ZNF407: variants seen among roughly 807,000 people sequenced by gnomAD.
ZNF407 encodes the protein zinc finger protein 407.
In ZNF407, 17 loss-of-function variants were observed where a neutral mutation model predicts 131.2. The observed-to-expected ratio is 0.13, with a 90% CI of 0.09 to 0.19. The LOEUF is 0.19. ZNF407 is among the 10% of genes least tolerant of loss of function. The pLI is 1.00. For missense variants in ZNF407, 2,681 were observed against 2,830.6 expected, an observed-to-expected ratio of 0.95 and a Z score of 1.20; for synonymous variants, 1,156 against 1,062.0, an observed-to-expected ratio of 1.09 and a Z score of -1.72.
At chr18:74,777,953 A>G (rs1337614388) in intron 3 of ZNF407, among the ~76,000 whole-genome samples, 1 of 152,134 alleles carries the variant, frequency 6.6e-6, no homozygotes, top group African/African-American at 2.4e-5. Context: ...CCAGTGGCGC[A>G]TGGCTTCAGT....
intron 4 of ZNF407, among the ~76,000 whole-genome samples, chr18:74,855,859 A>G (rs1439632118): frequency 1.3e-5 from 2 of 152,190 alleles, no homozygotes; most frequent in Admixed American, 1.3e-4. Context: ...TTGGTGTTGG[A>G]AGTTATACTT....
intron 8 of ZNF407, among the ~76,000 whole-genome samples, chr18:74,941,197 T>C (rs1470492163): frequency 1.3e-5 from 2 of 152,340 alleles, no homozygotes; most frequent in Middle Eastern, 3.4e-3. Flanking sequence ...GTTTCTGTAA[T>C]GTACTTAGCA....
At chr18:74,650,940 T>C (rs1238422765) in intron 3 of ZNF407, among the ~76,000 whole-genome samples, 2 of 152,034 alleles carry the variant, frequency 1.3e-5, no homozygotes, top group Non-Finnish European at 2.9e-5. Context: ...TGTGTGTCTA[T>C]CTATCTATCT....
chr18:74,790,029 G>A (rs1969796789), intron 4 of ZNF407, among the ~76,000 whole-genome samples: 1 of 151,670 alleles, frequency 6.6e-6, no homozygotes, highest in African/African-American at 2.4e-5. Flanking sequence ...TCTCTAATTG[G>A]TCTTCTTTTT....
chr18:74,906,758 G>A (rs1971600625), intron 7 of ZNF407, among the ~76,000 whole-genome samples: 9 of 152,010 alleles, frequency 5.9e-5, no homozygotes, highest in Admixed American at 3.9e-4. Context: ...GTATATATGT[G>A]CACAGATACT....
rs765042437 is a variant in ZNF407, at chr18:74,755,728, CCTTTCTTT to C, written c.4803-25661_4803-25654del. Among the ~76,000 whole-genome samples the C allele has an allele frequency of 6.5e-3, 411 of 63,476 alleles. 3 individuals are homozygous for C. Among genetic ancestry groups the C allele is most frequent in the African/African-American group, 0.013 (178 of 14,182 alleles). 41.6% of individuals were successfully genotyped at this position (63,476 alleles called of 152,430 possible). ...CTCAGCCTGCCTCTCTTCTTTCTTT[CCTTTCTTT>C]CTTTCTTTCTTTCTTTCTTTCTTTC... On this transcript the variant is annotated intron_variant, in intron 3 of 8. Transcript: ENST00000299687.
chr18:74,682,823 G>C (rs1967014702), intron 3 of ZNF407, among the ~76,000 whole-genome samples: 1 of 152,164 alleles, frequency 6.6e-6, no homozygotes, highest in African/African-American at 2.4e-5. Flanking sequence ...TTGGCTTGGT[G>C]CACTTTTATG....
intron 4 of ZNF407, among the ~76,000 whole-genome samples, chr18:74,870,551 T>A (rs539714386): frequency 1.3e-5 from 2 of 152,342 alleles, no homozygotes; most frequent in East Asian, 3.9e-4. Flanking sequence ...ATATATAATC[T>A]GAAACAAGGA....
chr18:74,985,671 G>A (rs1465003495), intron 8 of ZNF407, among the ~76,000 whole-genome samples: 1 of 152,112 alleles, frequency 6.6e-6, no homozygotes, highest in Non-Finnish European at 1.5e-5. Context: ...GGACCTTCTG[G>A]CGCTGTTCTG....
intron 5 of ZNF407, among the ~76,000 whole-genome samples, chr18:74,880,448 T>A (rs1014947960): frequency 1.1e-4 from 17 of 152,198 alleles, no homozygotes; most frequent in African/African-American, 4.1e-4. Flanking sequence ...GCGAGAAACA[T>A]AAACAGCATT....
intron 2 of ZNF407, among the ~76,000 whole-genome samples, chr18:74,637,292 G>T (rs1390535751): frequency 6.6e-6 from 1 of 152,204 alleles, no homozygotes; most frequent in South Asian, 2.1e-4. Context: ...AAATAGGTTT[G>T]CACTGGTCAC....
intron 4 of ZNF407, among the ~76,000 whole-genome samples, chr18:74,826,947 C>T (rs2145111650): frequency 6.6e-6 from 1 of 152,322 alleles, no homozygotes; most frequent in African/African-American, 2.4e-5. Context: ...TTGTGAACAT[C>T]ATACAAGGAA....
At chr18:75,029,593 G>A (rs939166020) in intron 8 of ZNF407, among the ~76,000 whole-genome samples, 18 of 144,936 alleles carry the variant, frequency 1.2e-4, no homozygotes, top group East Asian at 9.7e-4. Context: ...GTGTGTGTGC[G>A]TATGTGTGCA....
intron 3 of ZNF407, 86 bp downstream of exon 3, chr18:74,641,208 G>GT (rs774847718): frequency 1.1e-5 from 11 of 1,042,000 alleles, no homozygotes; most frequent in Admixed American, 1.9e-5. Flanking sequence ...ACCGATAGGA[G>GT]TAAGAGTGGC....
chr18:74,764,312 A>G (rs975150937), intron 3 of ZNF407, among the ~76,000 whole-genome samples: 2 of 152,080 alleles, frequency 1.3e-5, no homozygotes, highest in Admixed American at 1.3e-4. Context: ...TGTGTTTTCT[A>G]TTCCTTTTTA....
chr18:74,774,041 A>G (rs1969416584), intron 3 of ZNF407, among the ~76,000 whole-genome samples: 1 of 152,252 alleles, frequency 6.6e-6, no homozygotes, highest in African/African-American at 2.4e-5. Context: ...AGTGATGTCA[A>G]ATAAACATAG....
Position 74,632,099 on chromosome 18 carries a change from G to T in ZNF407, c.1080G>T (p.Glu360Asp). ...PSRNTLSQEV[E>D]IVEEHVTSLG... ...GAAATACTTTGTCACAGGAAGTAGA[G>T]ATTGTTGAAGAACATGTTACTTCCC... is the stretch of plus-strand genomic sequence containing the variant. Residue 360 changes from glutamate (E) to aspartate (D), a missense_variant, in exon 2 of 9, where the codon GAG becomes GAT. Glu to Asp is a conservative substitution (Grantham distance 45). This residue lies in a region of ZNF407 where 1,789 missense variants were observed against 1,748.7 expected (regional missense o/e 1.02). Coordinates refer to ENST00000299687, the MANE Select transcript of ZNF407 (RefSeq NM_017757.3). 11 of 1,613,958 alleles carry T rather than the reference G, an allele frequency of 6.8e-6. No homozygotes were observed. Among genetic ancestry groups the T allele is most frequent in the Non-Finnish European group, 9.3e-6 (11 of 1,179,876 alleles).
At position 75,065,037 on chromosome 18, in the gene ZNF407, C is replaced by T. The variant is rs941856642; in HGVS notation, c.*569C>T. 9.8e-5 allele frequency: 15 copies of T among 152,466 alleles called. No individual in the cohort carries two copies. Among genetic ancestry groups the T allele is most frequent in the African/African-American group, 3.6e-4 (15 of 41,406 alleles). The allele number at this position is 152,466 out of a possible 1,614,324, so 9.4% of individuals were successfully genotyped here. ...TTTAATTTTAGAATAACAGTGTCCCCATACCAAAGGAAGCCTGCTAGCTCA... is the reference window on the plus strand; with the variant it reads ...TTTAATTTTAGAATAACAGTGTCCCTATACCAAAGGAAGCCTGCTAGCTCA... On this transcript the variant is annotated 3_prime_UTR_variant, in exon 9 of 9. Transcript: ENST00000299687.
At chr18:74,720,128 T>C (rs755010439) in intron 3 of ZNF407, among the ~76,000 whole-genome samples, 1 of 152,144 alleles carries the variant, frequency 6.6e-6, no homozygotes, top group African/African-American at 2.4e-5. Context: ...CCACCAACGG[T>C]GTATAAGAAA....
Sources: gnomAD v4.1 joint callset for allele counts (sites outside exome capture counted in the v4.1 genomes callset) on GRCh38, gnomAD v4.1.1 for gene constraint, gnomAD v4.1.1 regional missense constraint, MANE v1.5 for transcripts, NCBI Gene and HGNC (gene_info 2026-07-23, HGNC 2026-07-21) for gene names.